Variants in UBE2E2 observed in about 807,000 individuals in gnomAD.
The protein encoded by UBE2E2 is ubiquitin-conjugating enzyme E2 E2.
In UBE2E2, 6 loss-of-function variants were observed where a neutral mutation model predicts 24.7. The observed-to-expected ratio is 0.24, with a 90% CI of 0.13 to 0.48. The LOEUF (loss-of-function observed/expected upper bound fraction) is 0.48. Ranked by LOEUF, UBE2E2 falls within the 20% of genes least tolerant of loss-of-function variation. UBE2E2 has a pLI of 0.99. For synonymous variants in UBE2E2, 104 were observed against 83.6 expected, an observed-to-expected ratio of 1.24 and a Z score of -1.33; for missense variants, 169 against 245.0, an observed-to-expected ratio of 0.69 and a Z score of 2.07.
intron 3 of UBE2E2, among the ~76,000 whole-genome samples, chr3:23,363,631 G>T (rs1262159030): frequency 6.6e-6 from 1 of 152,168 alleles, no homozygotes; most frequent in Non-Finnish European, 1.5e-5. Context: ...CACCCCTGGA[G>T]CACCCAGACT....
At chr3:23,293,182 A>G (rs1698814791) in intron 3 of UBE2E2, among the ~76,000 whole-genome samples, 1 of 152,230 alleles carries the variant, frequency 6.6e-6, no homozygotes, top group African/African-American at 2.4e-5. Context: ...CATCAATATC[A>G]TCCTAACGTT....
intron 3 of UBE2E2, among the ~76,000 whole-genome samples, chr3:23,435,251 G>C (rs1027408923): frequency 6.6e-6 from 1 of 152,218 alleles, no homozygotes; most frequent in Non-Finnish European, 1.5e-5. Flanking sequence ...TCAGTCATGA[G>C]TCTAAAACTG....
At chr3:23,286,054 A>T (rs2125375073) in intron 3 of UBE2E2, among the ~76,000 whole-genome samples, 1 of 152,258 alleles carries the variant, frequency 6.6e-6, no homozygotes, top group Non-Finnish European at 1.5e-5. Context: ...GAATTGTTTT[A>T]GTTCCTTATA....
At chr3:23,504,198 T>C (rs1214804958) in intron 4 of UBE2E2, among the ~76,000 whole-genome samples, 2 of 152,214 alleles carry the variant, frequency 1.3e-5, no homozygotes, top group Non-Finnish European at 2.9e-5. Flanking sequence ...CATGGCTTCA[T>C]GATTACTTTT....
intron 5 of UBE2E2, among the ~76,000 whole-genome samples, chr3:23,558,955 T>C (rs1695856185): frequency 6.6e-6 from 1 of 152,198 alleles, no homozygotes; most frequent in African/African-American, 2.4e-5. Context: ...TATAGACACC[T>C]TTATTCCCAT....
At chr3:23,450,085 A>T (rs1023805067) in intron 3 of UBE2E2, 8 of 211,204 alleles carry the variant, frequency 3.8e-5, no homozygotes, top group African/African-American at 1.9e-4. Context: ...CTTCCTTTTC[A>T]TCCCTTAAAC....
chr3:23,473,677 A>G (rs895621460), intron 3 of UBE2E2, among the ~76,000 whole-genome samples: 5 of 152,098 alleles, frequency 3.3e-5, no homozygotes, highest in African/African-American at 7.3e-5. Flanking sequence ...GAGTGAGAAC[A>G]TACGATGTTT....
At chr3:23,328,450 A>G (rs1459963465) in intron 3 of UBE2E2, among the ~76,000 whole-genome samples, 2 of 152,220 alleles carry the variant, frequency 1.3e-5, no homozygotes, top group African/African-American at 2.4e-5. Context: ...AGATTGTGCC[A>G]TATTTTGCCC....
At chr3:23,231,121 T>C (rs1696964004) in intron 3 of UBE2E2, among the ~76,000 whole-genome samples, 1 of 152,198 alleles carries the variant, frequency 6.6e-6, no homozygotes, top group Non-Finnish European at 1.5e-5. Context: ...ATGGTAGTAC[T>C]AGAATTATAT....
chr3:23,405,328 G>A (rs918318405), intron 3 of UBE2E2, among the ~76,000 whole-genome samples: 1 of 152,176 alleles, frequency 6.6e-6, no homozygotes, highest in South Asian at 2.1e-4. Flanking sequence ...ATGAGGTTAT[G>A]TAAAACAACT....
intron 3 of UBE2E2, among the ~76,000 whole-genome samples, chr3:23,367,110 C>G (rs1696278707): frequency 6.6e-6 from 1 of 152,142 alleles, no homozygotes; most frequent in African/African-American, 2.4e-5. Flanking sequence ...TCCTGCAGTT[C>G]TCCATCATCC....
chr3:23,310,300 C>CTTTTTTT (rs34141165), intron 3 of UBE2E2, among the ~76,000 whole-genome samples: 1 of 144,092 alleles, frequency 6.9e-6, no homozygotes, highest in African/African-American at 2.6e-5. Flanking sequence ...AAAGGCATGC[C>CTTTTTTT]TTTTTTTTTT....
At chr3:23,528,203 A>C (rs527877167) in intron 4 of UBE2E2, among the ~76,000 whole-genome samples, 9 of 152,228 alleles carry the variant, frequency 5.9e-5, no homozygotes, top group Middle Eastern at 3.2e-3. Flanking sequence ...TTCTGTGTTG[A>C]GAGAGTAGGA....
chr3:23,255,336 C>T (rs1399425070), intron 3 of UBE2E2, among the ~76,000 whole-genome samples: 2 of 151,786 alleles, frequency 1.3e-5, no homozygotes, highest in Non-Finnish European at 2.9e-5. Flanking sequence ...TCAAGCGATC[C>T]GTGTTCCTCA....
At chr3:23,502,811 T>C (rs188276102) in intron 4 of UBE2E2, among the ~76,000 whole-genome samples, 2 of 152,356 alleles carry the variant, frequency 1.3e-5, no homozygotes, top group African/African-American at 4.8e-5. Context: ...GAATTTCTTA[T>C]ATGTTTATGC....
At chr3:23,478,896 A>ATATATATATATATATATATTTTTTT (rs1192241310) in intron 3 of UBE2E2, among the ~76,000 whole-genome samples, 2 of 120,448 alleles carry the variant, frequency 1.7e-5, no homozygotes, top group African/African-American at 5.3e-5. Context: ...ATATATATAT[A>ATATATATATATATATATATTTTTTT]TTTTTTTTTT....
intron 3 of UBE2E2, among the ~76,000 whole-genome samples, chr3:23,374,048 A>G (rs1431939614): frequency 1.3e-5 from 2 of 152,232 alleles, no homozygotes; most frequent in Non-Finnish European, 2.9e-5. Context: ...AGCACTGCCC[A>G]CACAATGGAT....
chr3:23,250,437 G>T (rs1280997970), intron 3 of UBE2E2, among the ~76,000 whole-genome samples: 1 of 152,096 alleles, frequency 6.6e-6, no homozygotes, highest in Non-Finnish European at 1.5e-5. Flanking sequence ...ACATGAGATT[G>T]GAAAAATGGT....
intron 3 of UBE2E2, among the ~76,000 whole-genome samples, chr3:23,278,931 T>G (rs1340975494): frequency 7.3e-6 from 1 of 137,602 alleles, no homozygotes; most frequent in East Asian, 2.1e-4. Flanking sequence ...CAGTCACATG[T>G]TCATTTTCCA....
Sources: allele counts gnomAD v4.1 joint callset (sites outside exome capture counted in the v4.1 genomes callset), GRCh38; gene constraint gnomAD v4.1.1; transcripts MANE v1.5; gene names NCBI Gene and HGNC (gene_info 2026-07-23, HGNC 2026-07-21).